Variants in ADAMTS18 observed in about 807,000 individuals in gnomAD.
The protein encoded by ADAMTS18 is A disintegrin and metalloproteinase with thrombospondin motifs 18.
In ADAMTS18, 157 loss-of-function variants were observed where a neutral mutation model predicts 165.9. That is an observed-to-expected ratio of 0.95 (90% CI 0.83 to 1.08). The LOEUF is 1.08. Among genes scored for constraint, ADAMTS18 ranks in the 50% least tolerant of loss-of-function variants. The probability of loss-of-function intolerance (pLI) is 0.00; values close to 1 mark genes in which losing one functional copy is unlikely to be tolerated. For synonymous variants in ADAMTS18, 782 were observed against 578.2 expected, an observed-to-expected ratio of 1.35 and a Z score of -5.06; for missense variants, 2,040 against 1,534.0, an observed-to-expected ratio of 1.33 and a Z score of -5.51.
Position 77,431,560 on chromosome 16 carries a change from G to A in ADAMTS18, c.230C>T (p.Ser77Leu), listed in dbSNP as rs1353109719. 2.5e-6 allele frequency: 4 copies of A among 1,614,138 alleles called. No homozygotes were observed. The highest frequency in any genetic ancestry group is 3.4e-6 in the Non-Finnish European group (4 of 1,180,038). Residue 77 changes from serine (S) to leucine (L), a missense_variant, in exon 3 of 23, where the codon TCA becomes TTA. Coordinates refer to ENST00000282849, the MANE Select transcript of ADAMTS18 (RefSeq NM_199355.4). ...VEVDSAGSYI[S>L]HDILHNGRKK... Reference sequence around the variant, plus strand: ...CCTGCCGTTGTGCAAAATGTCGTGTGAAATATATGACCCGGCTGAGTCTAC... The same window carrying A: ...CCTGCCGTTGTGCAAAATGTCGTGTAAAATATATGACCCGGCTGAGTCTAC...
At chr16:77,367,779 G>A (rs1305773387) in intron 3 of ADAMTS18, 56 bp from the exon 4 acceptor site, 2 of 1,611,850 alleles carry the variant, frequency 1.2e-6, no homozygotes, top group Non-Finnish European at 1.7e-6. Flanking sequence ...CTGTGCCAAG[G>A]GTTGGTTTTC....
chr16:77,323,775 G>C (rs1324373470), intron 13 of ADAMTS18, among the ~76,000 whole-genome samples: 2 of 152,182 alleles, frequency 1.3e-5, no homozygotes, highest in Admixed American at 6.5e-5. Context: ...GACAAGGAGA[G>C]ACTAGAAAGC....
intron 18 of ADAMTS18, among the ~76,000 whole-genome samples, chr16:77,296,010 G>C (rs1013937711): frequency 1.4e-5 from 2 of 146,684 alleles, no homozygotes; most frequent in African/African-American, 5.2e-5. Flanking sequence ...AAAAAAAAGT[G>C]TGTGTGTGTA....
intron 21 of ADAMTS18, 44 bp from the exon 22 acceptor site, chr16:77,289,455 G>C: frequency 1.2e-6 from 2 of 1,605,314 alleles, no homozygotes; most frequent in South Asian, 1.1e-5. Context: ...ACTCTACTGA[G>C]GTCAGTGACA....
At chr16:77,312,356 G>C (rs1439862727) in intron 16 of ADAMTS18, among the ~76,000 whole-genome samples, 2 of 151,752 alleles carry the variant, frequency 1.3e-5, no homozygotes, top group African/African-American at 4.8e-5. Context: ...CCCTGCCTCA[G>C]CCTCCCCAGT....
At chr16:77,394,262 T>C (rs2057228016) in intron 3 of ADAMTS18, among the ~76,000 whole-genome samples, 1 of 152,228 alleles carries the variant, frequency 6.6e-6, no homozygotes, top group South Asian at 2.1e-4. Context: ...TTGCTTTGTG[T>C]CTGGAGACAG....
At chr16:77,387,394 T>C (rs2057124026) in intron 3 of ADAMTS18, among the ~76,000 whole-genome samples, 1 of 152,156 alleles carries the variant, frequency 6.6e-6, no homozygotes, top group East Asian at 1.9e-4. Context: ...AAATTATATT[T>C]CATAAACCAA....
chr16:77,401,232 C>A (rs1041047759), intron 3 of ADAMTS18, among the ~76,000 whole-genome samples: 2 of 152,006 alleles, frequency 1.3e-5, no homozygotes, highest in African/African-American at 4.8e-5. Context: ...CCAGCCTGGG[C>A]AAAACAGCTA....
chr16:77,404,822 T>C (rs1382950367), intron 3 of ADAMTS18, among the ~76,000 whole-genome samples: 2 of 152,238 alleles, frequency 1.3e-5, no homozygotes, highest in East Asian at 3.9e-4. Flanking sequence ...CCTTATCTAC[T>C]AGGAAGATGG....
chr16:77,424,140 G>A (rs2057640466), intron 3 of ADAMTS18, among the ~76,000 whole-genome samples: 1 of 152,184 alleles, frequency 6.6e-6, no homozygotes, highest in African/African-American at 2.4e-5. Flanking sequence ...CACAGGACTT[G>A]GGGAGCCTGA....
chr16:77,284,077 A>G lies in ADAMTS18; in HGVS notation c.3551-6T>C. On this transcript the variant is annotated splice_polypyrimidine_tract_variant and splice_region_variant and intron_variant, in intron 22 of 22. Coordinates refer to ENST00000282849, the MANE Select transcript of ADAMTS18 (RefSeq NM_199355.4). The stretch of plus-strand genomic sequence containing the variant: ...ATCTACGCAGGATGGATCCTCTAAA[A>G]TAAGAAAATATATTTAGCATGTTGG... 6.3e-7 allele frequency: 1 copy of G among 1,582,958 alleles called. No homozygotes were observed. Among genetic ancestry groups the G allele is most frequent in the African/African-American group, 1.3e-5 (1 of 74,338 alleles).
In ADAMTS18 at chr16:77,355,252, T is replaced by C. The variant is rs1381493111; in HGVS notation, c.1460+688A>G. On this transcript the variant is annotated intron_variant, in intron 9 of 22. Transcript: ENST00000282849. ...TGTGTGTATTTCAACTTTGGGTTAA[T>C]TGTTTAATATGAATTAAATAGTACA... is the stretch of plus-strand genomic sequence containing the variant. 2.1e-5 allele frequency among the ~76,000 whole-genome samples: 3 copies of C among 143,540 alleles called. No individual in the cohort carries two copies. In the South Asian group the frequency reaches 6.7e-4, roughly 32 times the overall value. The allele number at this position is 143,540 out of a possible 152,430, so 94.2% of individuals were successfully genotyped here.
intron 16 of ADAMTS18, among the ~76,000 whole-genome samples, chr16:77,305,324 T>G (rs2055662320): frequency 6.6e-6 from 1 of 152,140 alleles, no homozygotes; most frequent in Non-Finnish European, 1.5e-5. Context: ...TCTCATAGAA[T>G]CTCTGTGGGA....
intron 3 of ADAMTS18, among the ~76,000 whole-genome samples, chr16:77,398,841 T>C (rs1046314205): frequency 6.6e-6 from 1 of 152,046 alleles, no homozygotes; most frequent in Non-Finnish European, 1.5e-5. Flanking sequence ...TGTTAAGAAG[T>C]GTAAGTTTAA....
At chr16:77,425,399 G>T (rs982242325) in intron 3 of ADAMTS18, among the ~76,000 whole-genome samples, 1 of 152,146 alleles carries the variant, frequency 6.6e-6, no homozygotes, top group Non-Finnish European at 1.5e-5. Context: ...TGCTAAGGCT[G>T]GATGGTAATC....
chr16:77,286,124 G>T (rs908492435), intron 22 of ADAMTS18, among the ~76,000 whole-genome samples: 1 of 152,012 alleles, frequency 6.6e-6, no homozygotes, highest in Non-Finnish European at 1.5e-5. Flanking sequence ...TCCAAGCATC[G>T]TGCCATTCCT....
intron 16 of ADAMTS18, among the ~76,000 whole-genome samples, chr16:77,312,995 G>A (rs778409850): frequency 4.5e-4 from 69 of 152,098 alleles, no homozygotes; most frequent in Non-Finnish European, 8.4e-4. Flanking sequence ...ACACACACAC[G>A]TATATTTATT....
At chr16:77,317,147 C>T (rs1307502800) in intron 16 of ADAMTS18, among the ~76,000 whole-genome samples, 2 of 152,160 alleles carry the variant, frequency 1.3e-5, no homozygotes, top group Admixed American at 1.3e-4. Context: ...AAAGAACCTA[C>T]CACAATCTGT....
In ADAMTS18 at chr16:77,283,569, C is replaced by G. The variant is rs947547160; in HGVS notation, c.*387G>C. On this transcript the variant is annotated 3_prime_UTR_variant, in exon 23 of 23. Coordinates refer to ENST00000282849, the MANE Select transcript of ADAMTS18 (RefSeq NM_199355.4). ...AGATTTGAAAGTTCTGAGTCTCAGT[C>G]TTTGACCTGAAGTCATAAAGGACCT... 2 of 223,032 alleles carry G rather than the reference C, an allele frequency of 9.0e-6. No individual in the cohort carries two copies. Among genetic ancestry groups the G allele is most frequent in the African/African-American group, 4.7e-5 (2 of 42,826 alleles). The allele number at this position is 223,032 out of a possible 1,614,324, so 13.8% of individuals were successfully genotyped here.
Sources: allele counts gnomAD v4.1 joint callset (sites outside exome capture counted in the v4.1 genomes callset), GRCh38; gene constraint gnomAD v4.1.1; transcripts MANE v1.5; gene names NCBI Gene and HGNC (gene_info 2026-07-23, HGNC 2026-07-21).